The following GRM5 variants were observed in gnomAD, a reference collection of about 807,000 sequenced individuals.
The protein encoded by GRM5 is glutamate metabotropic receptor 5.
A neutral mutation model predicts 83.1 loss-of-function variants in GRM5; 19 were observed. That is an observed-to-expected ratio of 0.23 (90% CI 0.16 to 0.34). The LOEUF (loss-of-function observed/expected upper bound fraction) is 0.34, where lower values mean the gene tolerates loss of function less well. GRM5 is among the 10% of genes least tolerant of loss of function. GRM5 has a pLI of 1.00. For synonymous variants in GRM5, 675 were observed against 633.6 expected, an observed-to-expected ratio of 1.07 and a Z score of -0.98; for missense variants, 1,160 against 1,588.3, an observed-to-expected ratio of 0.73 and a Z score of 4.58.
intron 3 of GRM5, among the ~76,000 whole-genome samples, chr11:88,706,161 A>G (rs1245029240): frequency 6.6e-6 from 1 of 152,052 alleles, no homozygotes; most frequent in Non-Finnish European, 1.5e-5. Flanking sequence ...ATAACCCATC[A>G]AAGTTCACTT....
chr11:89,054,906 T>G (rs10830205), intron 1 of GRM5, among the ~76,000 whole-genome samples: 140,309 of 152,222 alleles, frequency 0.92, 64,665 homozygotes, highest in Non-Finnish European at 0.93. Flanking sequence ...TAATTTTATT[T>G]TCTTCATCTG....
intron 2 of GRM5, among the ~76,000 whole-genome samples, chr11:89,032,709 C>T (rs536879134): frequency 2.7e-4 from 41 of 152,098 alleles, no homozygotes; most frequent in African/African-American, 8.2e-4. Context: ...AGGGAACTTG[C>T]CTCATTTCCA....
chr11:88,578,224 T>C (rs553028882), intron 7 of GRM5, among the ~76,000 whole-genome samples: 2 of 152,088 alleles, frequency 1.3e-5, no homozygotes, highest in African/African-American at 4.8e-5. Context: ...TGTGATTTTT[T>C]AAGAGGTGTC....
At chr11:88,675,531 A>G (rs1565181950) in intron 3 of GRM5, among the ~76,000 whole-genome samples, 1 of 151,954 alleles carries the variant, frequency 6.6e-6, no homozygotes, top group Non-Finnish European at 1.5e-5. Context: ...ATTTTGGTTA[A>G]CAAAATTTTG....
At chr11:88,654,251 A>G (rs1246018827) in intron 3 of GRM5, among the ~76,000 whole-genome samples, 1 of 152,144 alleles carries the variant, frequency 6.6e-6, no homozygotes, top group East Asian at 1.9e-4. Context: ...ACAGAATAAG[A>G]AAAAGTAAAG....
chr11:88,702,201 T>A (rs1941052117), intron 3 of GRM5, among the ~76,000 whole-genome samples: 1 of 152,070 alleles, frequency 6.6e-6, no homozygotes, highest in South Asian at 2.1e-4. Context: ...CCATATAGCC[T>A]GTGGTAGATA....
At chr11:88,764,856 T>C (rs973117679) in intron 3 of GRM5, among the ~76,000 whole-genome samples, 2 of 151,450 alleles carry the variant, frequency 1.3e-5, no homozygotes, top group Non-Finnish European at 3.0e-5. Flanking sequence ...AGAGCACATA[T>C]AACTTAAATA....
intron 4 of GRM5, among the ~76,000 whole-genome samples, chr11:88,611,052 C>T (rs1323917215): frequency 6.6e-6 from 1 of 152,134 alleles, no homozygotes; most frequent in Non-Finnish European, 1.5e-5. Flanking sequence ...AACCATGAAT[C>T]CCAGGAATAA....
chr11:88,558,016 T>C (rs1272182875), intron 8 of GRM5, among the ~76,000 whole-genome samples: 1 of 152,148 alleles, frequency 6.6e-6, no homozygotes, highest in Non-Finnish European at 1.5e-5. Flanking sequence ...CTCTAAAACA[T>C]TGCTTTGTGT....
chr11:88,609,165 A>G (rs774902747), intron 4 of GRM5, among the ~76,000 whole-genome samples: 5 of 152,034 alleles, frequency 3.3e-5, no homozygotes, highest in Non-Finnish European at 7.4e-5. Context: ...TCTTCAAGCA[A>G]TCTCCAGTGT....
At chr11:88,871,468 A>G (rs192424076) in intron 2 of GRM5, among the ~76,000 whole-genome samples, 108 of 151,708 alleles carry the variant, frequency 7.1e-4, no homozygotes, top group Middle Eastern at 3.4e-3. Flanking sequence ...GCAAATAAAG[A>G]TAACTAGGAC....
chr11:88,608,359 A>T (rs1055313791), intron 4 of GRM5, among the ~76,000 whole-genome samples: 1 of 151,960 alleles, frequency 6.6e-6, no homozygotes, highest in Non-Finnish European at 1.5e-5. Context: ...TCTAAATTGC[A>T]TCTCTACCTC....
At chr11:88,897,919 T>TA (rs1369299397) in intron 2 of GRM5, among the ~76,000 whole-genome samples, 1 of 151,990 alleles carries the variant, frequency 6.6e-6, no homozygotes, top group Admixed American at 6.6e-5. Flanking sequence ...CATCACTACT[T>TA]ACTAGCCCCA....
At chr11:88,813,621 CAACAGTTTCATGAGAAAGTGA>C (rs950465954) in intron 3 of GRM5, among the ~76,000 whole-genome samples, 30 of 152,254 alleles carry the variant, frequency 2.0e-4, no homozygotes, top group South Asian at 8.3e-4. Flanking sequence ...TTTTATATCA[CAACAGTTTCATGAGAAAGTGA>C]AACAGTTTCA....
intron 8 of GRM5, among the ~76,000 whole-genome samples, chr11:88,557,054 G>A (rs1942646412): frequency 6.6e-6 from 1 of 152,072 alleles, no homozygotes; most frequent in South Asian, 2.1e-4. Context: ...CACCAGTAAA[G>A]CAATGTTGGA....
intron 5 of GRM5, among the ~76,000 whole-genome samples, chr11:88,602,138 G>A (rs1938017198): frequency 6.6e-6 from 1 of 152,036 alleles, no homozygotes; most frequent in African/African-American, 2.4e-5. Context: ...TTTATCTAGG[G>A]ATGAAATGTG....
At chr11:88,824,075 C>G (rs921145408) in intron 3 of GRM5, among the ~76,000 whole-genome samples, 1 of 152,118 alleles carries the variant, frequency 6.6e-6, no homozygotes, top group Admixed American at 6.5e-5. Flanking sequence ...TTAGTTACTA[C>G]TTGTCCATTT....
At chr11:88,902,950 C>CAAAAAAAAAAAAAAAAA (rs201996144) in intron 2 of GRM5, among the ~76,000 whole-genome samples, 2 of 61,904 alleles carry the variant, frequency 3.2e-5, no homozygotes, top group Admixed American at 2.1e-4. Context: ...GACTCCATCT[C>CAAAAAAAAAAAAAAAAA]AAAAAAAAAA....
At chr11:88,649,100 T>G (rs1939551784) in intron 4 of GRM5, among the ~76,000 whole-genome samples, 1 of 144,092 alleles carries the variant, frequency 6.9e-6, no homozygotes, top group South Asian at 2.1e-4. Context: ...AAATATATAA[T>G]ATATATTAAA....
Sources: gnomAD v4.1 joint callset for allele counts (sites outside exome capture counted in the v4.1 genomes callset) on GRCh38, gnomAD v4.1.1 for gene constraint, MANE v1.5 for transcripts, NCBI Gene and HGNC (gene_info 2026-07-23, HGNC 2026-07-21) for gene names.